The following DLG2 variants were observed in gnomAD, a reference collection of about 807,000 sequenced individuals.
DLG2 encodes disks large homolog 2.
A neutral mutation model predicts 132.5 loss-of-function variants in DLG2; 45 were observed. That is an observed-to-expected ratio of 0.34 (90% CI 0.27 to 0.44). DLG2 has a LOEUF of 0.44. Ranked by LOEUF, DLG2 falls within the 20% of genes least tolerant of loss-of-function variation. The probability of loss-of-function intolerance (pLI) is 1.00; values close to 1 mark genes in which losing one functional copy is unlikely to be tolerated. For synonymous variants in DLG2, 424 were observed against 419.6 expected, an observed-to-expected ratio of 1.01 and a Z score of -0.13; for missense variants, 1,045 against 1,196.9, an observed-to-expected ratio of 0.87 and a Z score of 1.87.
chr11:84,292,412 A>G (rs2098015428), intron 7 of DLG2, among the ~76,000 whole-genome samples: 1 of 152,170 alleles, frequency 6.6e-6, no homozygotes, highest in African/African-American at 2.4e-5. Flanking sequence ...CCTGGGAGTC[A>G]GCCTGCCTGC....
At chr11:83,495,152 G>A (rs1026857979) in intron 21 of DLG2, among the ~76,000 whole-genome samples, 5 of 152,112 alleles carry the variant, frequency 3.3e-5, no homozygotes, top group African/African-American at 1.2e-4. Flanking sequence ...GTTCAGCTCT[G>A]TGTCATCTAA....
chr11:85,370,014 C>G (rs937191571), intron 3 of DLG2, among the ~76,000 whole-genome samples: 2 of 152,164 alleles, frequency 1.3e-5, no homozygotes, highest in Non-Finnish European at 2.9e-5. Context: ...GAATGCAGGT[C>G]AGATGCAAGG....
At chr11:84,958,812 T>C (rs1046901332) in intron 6 of DLG2, among the ~76,000 whole-genome samples, 1 of 152,208 alleles carries the variant, frequency 6.6e-6, no homozygotes, top group Non-Finnish European at 1.5e-5. Flanking sequence ...TACAGAAACA[T>C]ACTACTTGCC....
intron 11 of DLG2, among the ~76,000 whole-genome samples, chr11:84,054,037 G>A (rs531157746): frequency 6.6e-6 from 1 of 152,144 alleles, no homozygotes; most frequent in East Asian, 1.9e-4. Context: ...TTATTAATGA[G>A]TAAGGTGGCT....
chr11:85,177,270 T>C (rs1235638606), intron 4 of DLG2, among the ~76,000 whole-genome samples: 1 of 139,716 alleles, frequency 7.2e-6, no homozygotes, highest in Non-Finnish European at 1.5e-5. Flanking sequence ...TATTTATATA[T>C]ATATATATAT....
At chr11:84,730,686 T>C (rs559267474) in intron 6 of DLG2, among the ~76,000 whole-genome samples, 38 of 152,126 alleles carry the variant, frequency 2.5e-4, no homozygotes, top group Non-Finnish European at 3.1e-4. Context: ...CTACTACAAA[T>C]AGATTTTCCT....
At chr11:85,568,564 G>C (rs551927399) in intron 3 of DLG2, among the ~76,000 whole-genome samples, 1 of 152,192 alleles carries the variant, frequency 6.6e-6, no homozygotes, top group South Asian at 2.1e-4. Flanking sequence ...TTTGTGGTTG[G>C]AGGTTTTTTC....
intron 7 of DLG2, among the ~76,000 whole-genome samples, chr11:84,434,357 T>A (rs966164964): frequency 6.6e-6 from 1 of 152,098 alleles, no homozygotes; most frequent in Non-Finnish European, 1.5e-5. Context: ...TAAGAAAAGA[T>A]GAGTAACCTT....
intron 7 of DLG2, among the ~76,000 whole-genome samples, chr11:84,526,391 T>C (rs530392420): frequency 1.3e-5 from 2 of 152,122 alleles, no homozygotes; most frequent in South Asian, 4.2e-4. Flanking sequence ...AAAACAAAAA[T>C]AAGATGCAGT....
intron 18 of DLG2, among the ~76,000 whole-genome samples, chr11:83,753,459 A>C (rs561730018): frequency 2.4e-4 from 36 of 151,276 alleles, no homozygotes; most frequent in African/African-American, 8.5e-4. Flanking sequence ...AAAACCAAAA[A>C]CTGAGATCTC....
intron 10 of DLG2, among the ~76,000 whole-genome samples, chr11:84,077,171 C>T (rs542089019): frequency 2.6e-5 from 4 of 152,198 alleles, no homozygotes; most frequent in African/African-American, 4.8e-5. Flanking sequence ...TATCTCCTTC[C>T]TCTTTACCAG....
intron 10 of DLG2, among the ~76,000 whole-genome samples, chr11:84,088,263 T>C (rs1490292995): frequency 6.6e-6 from 1 of 152,156 alleles, no homozygotes; most frequent in African/African-American, 2.4e-5. Context: ...TTCTAGTTCT[T>C]ACATGTAGGT....
intron 7 of DLG2, among the ~76,000 whole-genome samples, chr11:84,473,198 C>A (rs1341450716): frequency 6.6e-6 from 1 of 152,026 alleles, no homozygotes; most frequent in African/African-American, 2.4e-5. Flanking sequence ...AGTTGACTGA[C>A]ACCATTCAAT....
chr11:84,104,629 TATATAA>T (rs2092776029), intron 9 of DLG2, among the ~76,000 whole-genome samples: 1 of 152,108 alleles, frequency 6.6e-6, no homozygotes, highest in Non-Finnish European at 1.5e-5. Context: ...AAATGTTGAT[TATATAA>T]ATATGAGAAA....
Position 84,020,275 on chromosome 11 carries a change from G to C in DLG2, c.919+39040C>G, listed in dbSNP as rs984234241. Among the ~76,000 whole-genome samples, 7 of 152,196 alleles carry C rather than the reference G, an allele frequency of 4.6e-5. No individual in the cohort carries two copies. The East Asian group carries it at 1.2e-3, about 25-fold the overall frequency. ...TGCCTTTGAGTAAATACATGAGGAA[G>C]ACTTGCACTGAAACAGAAAAGGAAT... is the stretch of plus-strand genomic sequence containing the variant. On this transcript the variant is annotated intron_variant, in intron 11 of 27. Transcript: ENST00000376104.
intron 19 of DLG2, among the ~76,000 whole-genome samples, chr11:83,610,215 G>T (rs1291626612): frequency 6.6e-6 from 1 of 152,118 alleles, no homozygotes; most frequent in South Asian, 2.1e-4. Context: ...ATGTCGGACA[G>T]GAAGGGATCC....
At chr11:83,841,658 G>A (rs1366480821) in intron 16 of DLG2, among the ~76,000 whole-genome samples, 3 of 152,180 alleles carry the variant, frequency 2.0e-5, no homozygotes, top group Non-Finnish European at 4.4e-5. Flanking sequence ...GTACATAAGA[G>A]GTGCTCACTG....
chr11:84,462,393 C>T (rs1350146172), intron 7 of DLG2, among the ~76,000 whole-genome samples: 1 of 150,952 alleles, frequency 6.6e-6, no homozygotes, highest in Admixed American at 6.6e-5. Context: ...TGCAAATAAA[C>T]ATATAAAATA....
At chr11:83,487,468 C>CTAT (rs2093591893) in intron 21 of DLG2, among the ~76,000 whole-genome samples, 1 of 152,040 alleles carries the variant, frequency 6.6e-6, no homozygotes, top group African/African-American at 2.4e-5. Context: ...TATAAATCTT[C>CTAT]TATTACTTGC....
Sources: gnomAD v4.1 joint callset for allele counts (sites outside exome capture counted in the v4.1 genomes callset) on GRCh38, gnomAD v4.1.1 for gene constraint, MANE v1.5 for transcripts, NCBI Gene and HGNC (gene_info 2026-07-23, HGNC 2026-07-21) for gene names.